CACNA1A: variants seen among roughly 807,000 people sequenced by gnomAD.
The protein encoded by CACNA1A is calcium voltage-gated channel subunit alpha1 A.
CACNA1A carries 57 observed loss-of-function variants against 262.4 expected under a neutral mutation model. The ratio of observed to expected loss-of-function variants is 0.22; its 90% confidence interval spans 0.18 to 0.27. CACNA1A has a LOEUF of 0.27. Ranked by LOEUF, CACNA1A falls within the 10% of genes least tolerant of loss-of-function variation. The pLI is 1.00. For synonymous variants in CACNA1A, 1,431 were observed against 1,419.3 expected (o/e 1.01, Z -0.18); for missense variants, 2,526 against 3,562.8 (o/e 0.71, Z 7.41).
At chr19:13,394,336 G>A (rs146893377) in intron 3 of CACNA1A, among the ~76,000 whole-genome samples, 1 of 152,154 alleles carries the variant, frequency 6.6e-6, no homozygotes, top group East Asian at 1.9e-4. Flanking sequence ...AAAGGACAAG[G>A]ATTTCTCAAA....
intron 44 of CACNA1A, 80 bp downstream of exon 44, chr19:13,210,537 T>C (rs1250277731): frequency 8.4e-7 from 1 of 1,193,770 alleles, no homozygotes; most frequent in Non-Finnish European, 1.1e-6. Flanking sequence ...CGGTGAGAGA[T>C]GACGGGACTC....
chr19:13,250,318 C>A (rs1250155461), intron 30 of CACNA1A, among the ~76,000 whole-genome samples: 1 of 151,998 alleles, frequency 6.6e-6, no homozygotes, highest in Non-Finnish European at 1.5e-5. Flanking sequence ...CCTCAAGCTC[C>A]CAAACTGCCG....
intron 10 of CACNA1A, among the ~76,000 whole-genome samples, chr19:13,319,845 C>T (rs1482690875): frequency 5.3e-5 from 8 of 152,118 alleles, no homozygotes; most frequent in Admixed American, 5.2e-4. Flanking sequence ...CAGCGTCATC[C>T]CCATTTTACA....
chr19:13,261,319 G>T, intron 26 of CACNA1A, 131 bp downstream of exon 26: 1 of 736,528 alleles, frequency 1.4e-6, no homozygotes, highest in South Asian at 2.2e-5. Context: ...ATCCAAGCTG[G>T]TTGCAACTGA....
chr19:13,386,708 G>A (rs1439136142), intron 3 of CACNA1A, among the ~76,000 whole-genome samples: 2 of 152,040 alleles, frequency 1.3e-5, no homozygotes, highest in South Asian at 2.1e-4. Flanking sequence ...CAGGAGAATC[G>A]CTTGAACCCA....
intron 4 of CACNA1A, among the ~76,000 whole-genome samples, chr19:13,369,037 CAAAAAAAAA>C (rs71170503): frequency 6.1e-5 from 3 of 48,794 alleles, no homozygotes; most frequent in Non-Finnish European, 1.3e-4. Flanking sequence ...GACTCCGTCT[CAAAAAAAAA>C]AAAAAAAAAA....
chr19:13,271,229 T>TTG, intron 24 of CACNA1A: 2 of 143,688 alleles, frequency 1.4e-5, no homozygotes, highest in African/African-American at 5.2e-5. Flanking sequence ...TTTTTTTTTT[T>TTG]TTTTTTTTTG....
intron 6 of CACNA1A, among the ~76,000 whole-genome samples, chr19:13,346,311 C>G (rs1184997119): frequency 6.6e-6 from 1 of 152,050 alleles, no homozygotes; most frequent in East Asian, 1.9e-4. Flanking sequence ...CCAGGAACAT[C>G]CTGCCTCAGG....
chr19:13,320,404 T>C (rs187928502), intron 10 of CACNA1A, among the ~76,000 whole-genome samples: 1 of 152,314 alleles, frequency 6.6e-6, no homozygotes, highest in East Asian at 1.9e-4. Flanking sequence ...CCACACTTCC[T>C]ACCTCAAAGG....
At chr19:13,452,601 G>C (rs1233045228) in intron 3 of CACNA1A, 1 of 280,616 alleles carries the variant, frequency 3.6e-6, no homozygotes, top group Non-Finnish European at 6.6e-6. Context: ...TAATTCAGTG[G>C]GTTGTTGCAA....
chr19:13,411,462 C>T (rs1323286531), intron 3 of CACNA1A, among the ~76,000 whole-genome samples: 1 of 152,186 alleles, frequency 6.6e-6, no homozygotes, highest in Non-Finnish European at 1.5e-5. Flanking sequence ...ATGGCACAAG[C>T]TCTCTTGCCT....
At chr19:13,252,009 G>A (rs1009124657) in intron 30 of CACNA1A, among the ~76,000 whole-genome samples, 14 of 151,882 alleles carry the variant, frequency 9.2e-5, no homozygotes, top group Non-Finnish European at 1.8e-4. Context: ...CAAGTGATTT[G>A]CCTGCCTCTG....
At chr19:13,339,716 A>G (rs929648479) in intron 6 of CACNA1A, among the ~76,000 whole-genome samples, 1 of 152,098 alleles carries the variant, frequency 6.6e-6, no homozygotes, top group Non-Finnish European at 1.5e-5. Flanking sequence ...AAAATGTTAC[A>G]AAGTTAAAAA....
intron 31 of CACNA1A, among the ~76,000 whole-genome samples, chr19:13,240,594 CTGTG>C (rs952560291): frequency 2.1e-5 from 3 of 145,152 alleles, no homozygotes; most frequent in Non-Finnish European, 3.0e-5. Flanking sequence ...CGTGCAGTGA[CTGTG>C]TGTGCGCAGT....
chr19:13,220,927 C>T (rs1012617030), intron 38 of CACNA1A, among the ~76,000 whole-genome samples: 3 of 151,966 alleles, frequency 2.0e-5, no homozygotes, highest in African/African-American at 7.3e-5. Flanking sequence ...CTCCCAACTT[C>T]CTTGTGCTCT....
At chr19:13,406,498 T>TAC (rs2144718869) in intron 3 of CACNA1A, among the ~76,000 whole-genome samples, 1 of 116,784 alleles carries the variant, frequency 8.6e-6, no homozygotes, top group East Asian at 3.0e-4. Flanking sequence ...TATATATATA[T>TAC]ATATATATAT....
chr19:13,461,391 G>A (rs1054622726), intron 1 of CACNA1A, among the ~76,000 whole-genome samples: 2 of 140,694 alleles, frequency 1.4e-5, no homozygotes, highest in South Asian at 4.6e-4. Context: ...AAAAATCACC[G>A]GTGGAGGAAA....
chr19:13,255,204 T>C lies in CACNA1A; in HGVS notation c.4646A>G (p.Gln1549Arg), dbSNP rs759263620. The C allele has an allele frequency of 6.2e-6, 10 of 1,612,124 alleles. No individual in the cohort carries two copies. The highest frequency in any genetic ancestry group is 8.5e-6 in the Non-Finnish European group (10 of 1,178,442). Residue 1549 changes from glutamine to arginine, a missense_variant, in exon 29 of 47, where the codon CAG becomes CGG. Gln to Arg is a conservative substitution (Grantham distance 43). Around this residue, in one of 17 missense-constraint regions of CACNA1A, gnomAD observed 36 missense variants for 47.3 expected, o/e 0.76. Transcript: ENST00000360228. ...GCGGTACTGGAAGCTCTGCTTGTTC[T>C]GCGGCATGTGTCGGGTCAGCGGCTT... The part of the protein sequence containing the change: ...SAKPLTRHMP[Q>R]NKQSFQYRMW...
intron 38 of CACNA1A, among the ~76,000 whole-genome samples, chr19:13,219,898 C>T (rs937857116): frequency 1.4e-5 from 2 of 147,420 alleles, no homozygotes; most frequent in African/African-American, 5.0e-5. Flanking sequence ...TGCAGTGAGC[C>T]GAGATTGCGC....
Sources: allele counts gnomAD v4.1 joint callset (sites outside exome capture counted in the v4.1 genomes callset), GRCh38; gene constraint gnomAD v4.1.1; regional missense constraint gnomAD v4.1.1; transcripts MANE v1.5; gene names NCBI Gene and HGNC (gene_info 2026-07-23, HGNC 2026-07-21).